Variants in ATRNL1 observed in about 807,000 individuals in gnomAD.
ATRNL1 encodes attractin-like protein 1.
ATRNL1 carries 95 observed loss-of-function variants against 182.7 expected under a neutral mutation model. The observed-to-expected ratio is 0.52, with a 90% CI of 0.44 to 0.62. ATRNL1 has a LOEUF of 0.62. Ranked by LOEUF, ATRNL1 falls within the 20% of genes least tolerant of loss-of-function variation. ATRNL1 has a pLI of 0.00. For missense variants in ATRNL1, 1,471 were observed against 1,679.5 expected (o/e 0.88, Z 2.17); for synonymous variants, 576 against 568.3 (o/e 1.01, Z -0.19).
chr10:115,861,719 A>AT (rs1951320914), intron 28 of ATRNL1, among the ~76,000 whole-genome samples: 1 of 152,088 alleles, frequency 6.6e-6, no homozygotes, highest in South Asian at 2.1e-4. Context: ...GTCTTTTGTT[A>AT]TTTTTTTCCA....
intron 28 of ATRNL1, among the ~76,000 whole-genome samples, chr10:115,891,730 G>C (rs1952083783): frequency 6.6e-6 from 1 of 152,046 alleles, no homozygotes; most frequent in Admixed American, 6.6e-5. Context: ...TCACAAGAAA[G>C]GGTAGCTTTA....
chr10:115,434,613 TC>T (rs1405232190), intron 21 of ATRNL1, among the ~76,000 whole-genome samples: 2 of 152,172 alleles, frequency 1.3e-5, no homozygotes, highest in Non-Finnish European at 2.9e-5. Flanking sequence ...TGCCATTTTT[TC>T]AAATAAGAAA....
intron 27 of ATRNL1, among the ~76,000 whole-genome samples, chr10:115,788,181 A>C (rs1555080829): frequency 6.6e-6 from 1 of 152,204 alleles, no homozygotes; most frequent in East Asian, 1.9e-4. Context: ...CAGAAAATGC[A>C]TCCTCTGAGT....
intron 20 of ATRNL1, among the ~76,000 whole-genome samples, chr10:115,425,303 G>A (rs1206574478): frequency 6.8e-6 from 1 of 147,338 alleles, no homozygotes; most frequent in East Asian, 1.9e-4. Context: ...TGAAATATAT[G>A]TAATATATTT....
intron 15 of ATRNL1, among the ~76,000 whole-genome samples, chr10:115,294,978 A>AG (rs1178108865): frequency 6.6e-6 from 1 of 152,174 alleles, no homozygotes; most frequent in Non-Finnish European, 1.5e-5. Context: ...CACAGTGGGT[A>AG]GGGCAACTTG....
At chr10:115,144,609 A>C (rs1013514688) in intron 5 of ATRNL1, among the ~76,000 whole-genome samples, 8 of 152,170 alleles carry the variant, frequency 5.3e-5, no homozygotes, top group African/African-American at 1.9e-4. Context: ...AATTCTTAGC[A>C]TGAATATTTC....
chr10:115,508,683 C>T (rs1165458115), intron 24 of ATRNL1, among the ~76,000 whole-genome samples: 1 of 151,990 alleles, frequency 6.6e-6, no homozygotes, highest in Non-Finnish European at 1.5e-5. Flanking sequence ...TAGAGCCTAA[C>T]TTTCTTCAAT....
intron 20 of ATRNL1, among the ~76,000 whole-genome samples, chr10:115,416,139 A>G (rs1845378605): frequency 6.6e-6 from 1 of 152,060 alleles, no homozygotes; most frequent in Non-Finnish European, 1.5e-5. Flanking sequence ...TTTGAAATTA[A>G]TTGCTATTCT....
chr10:115,570,491 C>T (rs890536007), intron 26 of ATRNL1, among the ~76,000 whole-genome samples: 1 of 152,204 alleles, frequency 6.6e-6, no homozygotes, highest in African/African-American at 2.4e-5. Flanking sequence ...GAATTTGAGT[C>T]ATAGGTAGAA....
chr10:115,506,496 G>C (rs936539597), intron 24 of ATRNL1, among the ~76,000 whole-genome samples: 1 of 151,922 alleles, frequency 6.6e-6, no homozygotes, highest in African/African-American at 2.4e-5. Flanking sequence ...GCTGAAGACC[G>C]TACTCTACCA....
At position 115,270,359 on chromosome 10, in the gene ATRNL1, A is replaced by AAATATATACATCTTTTATATAT. The variant is rs1554912483; in HGVS notation, c.2100+1923_2100+1924insCATCTTTTATATATAATATATA. Among the ~76,000 whole-genome samples, 177 of 141,928 alleles carry AAATATATACATCTTTTATATAT rather than the reference A, an allele frequency of 1.2e-3. 1 individual carries two copies. Among genetic ancestry groups the AAATATATACATCTTTTATATAT allele is most frequent in the African/African-American group, 4.3e-3 (167 of 38,902 alleles). 93.1% of individuals were successfully genotyped at this position (141,928 alleles called of 152,430 possible). On this transcript the variant is annotated intron_variant, in intron 13 of 28. Transcript: ENST00000355044. ...ATATATTATATACAGATATATAAACAAATATATAAATCTATTATATAATAT... is the reference window on the plus strand; with the variant it reads ...ATATATTATATACAGATATATAAACAAATATATACATCTTTTATATATAATATATAAATCTATTATATAATAT...
chr10:115,585,329 T>G (rs1358501179), intron 26 of ATRNL1, among the ~76,000 whole-genome samples: 3 of 109,394 alleles, frequency 2.7e-5, no homozygotes, highest in South Asian at 3.2e-4. Flanking sequence ...TCGTTGATCT[T>G]TCTAATATTG....
chr10:115,674,250 CCCAA>C (rs1249039640), intron 26 of ATRNL1, among the ~76,000 whole-genome samples: 1 of 151,966 alleles, frequency 6.6e-6, no homozygotes, highest in Non-Finnish European at 1.5e-5. Context: ...AATGTCACTT[CCCAA>C]CCATAACAGA....
At chr10:115,868,923 A>G (rs4237490) in intron 28 of ATRNL1, among the ~76,000 whole-genome samples, 139,072 of 148,436 alleles carry the variant, frequency 0.94, 65,673 homozygotes, top group East Asian at 1. Flanking sequence ...TCCGCCTCCC[A>G]GGTTCACGCC....
intron 10 of ATRNL1, among the ~76,000 whole-genome samples, chr10:115,252,119 C>T (rs1347779269): frequency 5.9e-5 from 9 of 152,068 alleles, no homozygotes; most frequent in South Asian, 4.1e-4. Context: ...CTCTGTCTCC[C>T]GGGTTCAAGC....
chr10:115,883,218 C>T (rs780119149), intron 28 of ATRNL1, among the ~76,000 whole-genome samples: 14 of 152,228 alleles, frequency 9.2e-5, no homozygotes, highest in Non-Finnish European at 1.9e-4. Flanking sequence ...ATCCAGTCTG[C>T]AAGCTCCAAT....
intron 18 of ATRNL1, among the ~76,000 whole-genome samples, chr10:115,326,670 C>G (rs1324546265): frequency 2.0e-5 from 3 of 151,812 alleles, no homozygotes; most frequent in Non-Finnish European, 4.4e-5. Flanking sequence ...ATCACACTAC[C>G]TGACTTCAAA....
At chr10:115,607,230 C>A (rs1856918343) in intron 26 of ATRNL1, among the ~76,000 whole-genome samples, 1 of 151,670 alleles carries the variant, frequency 6.6e-6, no homozygotes, top group Admixed American at 6.6e-5. Flanking sequence ...TTTTAAATTA[C>A]CAGCCATTAT....
chr10:115,624,653 T>C (rs1704145924), intron 26 of ATRNL1, among the ~76,000 whole-genome samples: 1 of 152,148 alleles, frequency 6.6e-6, no homozygotes. Flanking sequence ...TGAGAGTGTT[T>C]GCAACACAGA....
Sources: allele counts gnomAD v4.1 joint callset (sites outside exome capture counted in the v4.1 genomes callset), GRCh38; gene constraint gnomAD v4.1.1; transcripts MANE v1.5; gene names NCBI Gene and HGNC (gene_info 2026-07-23, HGNC 2026-07-21).